EMC1: variants seen among roughly 807,000 people sequenced by gnomAD.
EMC1 encodes KIAA0090.
A neutral mutation model predicts 128.8 loss-of-function variants in EMC1; 103 were observed. The ratio of observed to expected loss-of-function variants is 0.80; its 90% CI spans 0.68 to 0.94. The LOEUF is 0.94. EMC1 is among the 40% of genes least tolerant of loss of function. The pLI, the probability that EMC1 is intolerant of heterozygous loss-of-function variation, is 0.00. For missense variants in EMC1, 1,083 were observed against 1,250.6 expected (o/e 0.87, Z 2.02); for synonymous variants, 442 against 490.4 (o/e 0.90, Z 1.30).
At chr1:19,240,613 A>G in intron 6 of EMC1, 167 bp from the exon 7 acceptor site, 1 of 680,384 alleles carries the variant, frequency 1.5e-6, no homozygotes, top group Non-Finnish European at 2.5e-6. Context: ...CCCACCCTCC[A>G]ACCTCCTGAG....
chr1:19,232,169 C>G (rs934953279), intron 15 of EMC1, among the ~76,000 whole-genome samples: 3 of 152,104 alleles, frequency 2.0e-5, no homozygotes, highest in Non-Finnish European at 4.4e-5. Flanking sequence ...GGCTGAGGCA[C>G]AAGAATTGCT....
intron 17 of EMC1, among the ~76,000 whole-genome samples, chr1:19,230,485 G>A (rs545380936): frequency 3.3e-5 from 5 of 152,202 alleles, no homozygotes; most frequent in East Asian, 3.9e-4. Flanking sequence ...CAGGAGAATC[G>A]CTTGAACCAA....
intron 17 of EMC1, 64 bp from the exon 18 acceptor site, chr1:19,227,514 T>C: frequency 6.3e-7 from 1 of 1,586,414 alleles, no homozygotes; most frequent in Non-Finnish European, 8.6e-7. Flanking sequence ...CAGCTGGAGT[T>C]AGACACATCC....
At chr1:19,237,882 A>G in intron 11 of EMC1, 135 bp downstream of exon 11, 6 of 1,120,020 alleles carry the variant, frequency 5.4e-6, no homozygotes, top group Non-Finnish European at 7.5e-6. Flanking sequence ...CTAACAAGTC[A>G]GTGGCTCAGA....
chr1:19,224,110 C>G (rs911937474), intron 18 of EMC1, among the ~76,000 whole-genome samples: 1 of 152,212 alleles, frequency 6.6e-6, no homozygotes, highest in Non-Finnish European at 1.5e-5. Context: ...ACTCCTTCTA[C>G]TTTACTGGCC....
In EMC1 at chr1:19,237,193, G is replaced by A. The variant is rs147189826; in HGVS notation, c.1258C>T (p.Arg420Trp). 39 of 1,613,874 alleles carry A rather than the reference G, an allele frequency of 2.4e-5. No individual in the cohort carries two copies. Among genetic ancestry groups the A allele is most frequent in the Admixed American group, 8.3e-5 (5 of 59,982 alleles). The change falls in exon 12 of 23, where the codon CGG becomes TGG. Residue 420 changes from arginine to tryptophan, a missense_variant. This residue lies in a region of EMC1 where 544 missense variants were observed against 572.4 expected (regional missense o/e 0.95). Coordinates refer to ENST00000477853, the MANE Select transcript of EMC1 (RefSeq NM_015047.3). Reference protein sequence around the residue: ...FLKKDDSVGYRALVQTEDHLL... With the variant: ...FLKKDDSVGYWALVQTEDHLL... ...TGATCCTCTGTCTGCACCAAAGCCCGGTAGCCCACTGAGTCATCCTTCTTC... is the reference window on the plus strand; with the variant it reads ...TGATCCTCTGTCTGCACCAAAGCCCAGTAGCCCACTGAGTCATCCTTCTTC...
Position 19,216,827 on chromosome 1 carries a change from A to G in EMC1, c.*2476T>C, listed in dbSNP as rs1278915512. Reference sequence around the variant, plus strand: ...TACCTCAGCCTCCTGAGTAGCTAGGACCACAGGCACATGCCACCAGGCCCG... The same window carrying G: ...TACCTCAGCCTCCTGAGTAGCTAGGGCCACAGGCACATGCCACCAGGCCCG... On this transcript the variant is annotated 3_prime_UTR_variant, in exon 23 of 23. Coordinates refer to ENST00000477853, the MANE Select transcript of EMC1 (RefSeq NM_015047.3). The G allele has an allele frequency of 1.3e-5, 2 of 152,280 alleles. No individual in the cohort carries two copies. Among genetic ancestry groups the G allele is most frequent in the East Asian group, 1.9e-4 (1 of 5,184 alleles). 9.4% of individuals were successfully genotyped at this position (152,280 alleles called of 1,614,324 possible).
chr1:19,226,747 G>C (rs1397349499), intron 18 of EMC1, among the ~76,000 whole-genome samples: 1 of 145,038 alleles, frequency 6.9e-6, no homozygotes, highest in Non-Finnish European at 1.5e-5. Context: ...TTTTTTTTTT[G>C]GGGGTGGTAA....
At chr1:19,236,304 A>C (rs1455527131) in intron 12 of EMC1, among the ~76,000 whole-genome samples, 2 of 151,710 alleles carry the variant, frequency 1.3e-5, no homozygotes. Flanking sequence ...AGTTGCAAAG[A>C]GCTGAGATTA....
rs780981932 is a variant in EMC1, at chr1:19,241,109, G to A, written c.543C>T (p.Tyr181=). The change falls in exon 6 of 23, where the codon TAC becomes TAT. Residue 181 remains tyrosine (Y), a synonymous_variant. Coordinates refer to ENST00000477853, the MANE Select transcript of EMC1 (RefSeq NM_015047.3). The stretch of plus-strand genomic sequence containing the variant: ...CGAGGGCCCACACCACCCCAGAGCC[G>A]TAAGAATACACCATCTGGTAGTGGA... The part of the protein sequence containing the change: ...DSIHYQMVYS[Y]GSGVVWALGV... 35 of 1,614,066 alleles carry A rather than the reference G, an allele frequency of 2.2e-5. No homozygotes were observed. The highest frequency in any genetic ancestry group is 1.2e-4 in the South Asian group (11 of 91,084).
In EMC1 at chr1:19,233,138, G is replaced by C. The variant is rs750043864; in HGVS notation, c.1433-3C>G. On this transcript the variant is annotated splice_polypyrimidine_tract_variant and splice_region_variant and intron_variant, in intron 13 of 22. Transcript: ENST00000477853. ...CAGGAACATCCCCAGCAAGCCATCTGGTGTAAAGGAAAAGTAACATACTCT... is the reference window on the plus strand; with the variant it reads ...CAGGAACATCCCCAGCAAGCCATCTCGTGTAAAGGAAAAGTAACATACTCT... 6.6e-5 allele frequency: 107 copies of C among 1,612,768 alleles called. No homozygotes were observed. The highest frequency in any genetic ancestry group is 8.8e-5 in the Non-Finnish European group (104 of 1,179,292).
At position 19,217,570 on chromosome 1, in the gene EMC1, G is replaced by A. The variant is rs1165774690; in HGVS notation, c.*1733C>T. On this transcript the variant is annotated 3_prime_UTR_variant, in exon 23 of 23. Transcript: ENST00000477853. ...TAACTTTGATTACAGCTGAAATACAGGGAATTTTACTAAAGGACAAATACC... is the reference window on the plus strand; with the variant it reads ...TAACTTTGATTACAGCTGAAATACAAGGAATTTTACTAAAGGACAAATACC... 1 of 151,202 alleles carries A rather than the reference G, an allele frequency of 6.6e-6. No individual in the cohort carries two copies. The highest frequency in any genetic ancestry group is 2.4e-5 in the African/African-American group (1 of 41,150). 9.4% of individuals were successfully genotyped at this position (151,202 alleles called of 1,614,324 possible).
chr1:19,228,135 G>A (rs545833575), intron 17 of EMC1, among the ~76,000 whole-genome samples: 1 of 151,218 alleles, frequency 6.6e-6, no homozygotes, highest in Non-Finnish European at 1.5e-5. Context: ...AACCCAGGAG[G>A]TGGAGGTTGC....
chr1:19,233,467 AAAG>A (rs1325608271), intron 13 of EMC1, among the ~76,000 whole-genome samples: 1 of 152,212 alleles, frequency 6.6e-6, no homozygotes, highest in Admixed American at 6.5e-5. Context: ...CAAGATGCTA[AAAG>A]AAGGTTTCTG....
intron 12 of EMC1, 68 bp from the exon 13 acceptor site, chr1:19,235,320 C>A: frequency 6.5e-7 from 1 of 1,533,754 alleles, no homozygotes; most frequent in African/African-American, 1.4e-5. Context: ...GTAATCCCAG[C>A]ACTTTGGGAG....
At chr1:19,223,664 G>T in intron 18 of EMC1, 95 bp from the exon 19 acceptor site, 3 of 1,164,096 alleles carry the variant, frequency 2.6e-6, no homozygotes, top group Non-Finnish European at 3.7e-6. Context: ...CTCCAGCCTG[G>T]CAGAGGAATC....
At position 19,241,034 on chromosome 1, in the gene EMC1, A is replaced by G. The variant is rs1168282125; in HGVS notation, c.618T>C (p.Asp206=). 2 of 1,614,098 alleles carry G rather than the reference A, an allele frequency of 1.2e-6. No individual in the cohort carries two copies. The highest frequency in any genetic ancestry group is 2.2e-5 in the South Asian group (2 of 91,070). The change falls in exon 6 of 23, where the codon GAT becomes GAC. Residue 206 remains aspartate (D), a synonymous_variant. Coordinates refer to ENST00000477853, the MANE Select transcript of EMC1 (RefSeq NM_015047.3). ...CCTGTACCTGCTGAACAATCTCTCC[A>G]TCTTCCACATTAAACTTGACAATGT... ...HVNIVKFNVE[D]GEIVQQVRVS...
At chr1:19,235,618 G>A (rs768476952) in intron 12 of EMC1, among the ~76,000 whole-genome samples, 42 of 152,114 alleles carry the variant, frequency 2.8e-4, no homozygotes, top group Middle Eastern at 3.4e-3. Flanking sequence ...GGAGAATGGC[G>A]TGAACCCGGG....
chr1:19,222,730 G>A lies in EMC1; in HGVS notation c.2481C>T (p.Arg827=), dbSNP rs766229390. ...YNATAFSSLD[R]PQLPQVLQQS... Reference sequence around the variant, plus strand: ...GCTGGAGGACCTGGGGCAGCTGGGGGCGGTCCAGGGAGCTGAAGGCGGTGG... The same window carrying A: ...GCTGGAGGACCTGGGGCAGCTGGGGACGGTCCAGGGAGCTGAAGGCGGTGG... Residue 827 remains arginine (R), a synonymous_variant, in exon 20 of 23, where the codon CGC becomes CGT. Transcript: ENST00000477853. 2.8e-5 allele frequency: 46 copies of A among 1,614,052 alleles called. No individual in the cohort carries two copies. The South Asian group carries it at 4.9e-4, about 17-fold the overall frequency.
Sources: gnomAD v4.1 joint callset for allele counts (sites outside exome capture counted in the v4.1 genomes callset) on GRCh38, gnomAD v4.1.1 for gene constraint, gnomAD v4.1.1 regional missense constraint, MANE v1.5 for transcripts, NCBI Gene and HGNC (gene_info 2026-07-23, HGNC 2026-07-21) for gene names.